CACNA1H: variants seen among roughly 807,000 people sequenced by gnomAD.
The protein encoded by CACNA1H is voltage-dependent T-type calcium channel subunit alpha-1H.
Under a neutral mutation model 192.5 loss-of-function variants are expected in CACNA1H, and 149 were observed. That is an observed-to-expected ratio of 0.77 (90% CI 0.68 to 0.89). The LOEUF is 0.89. Ranked by LOEUF, CACNA1H falls within the 40% of genes least tolerant of loss-of-function variation. The pLI, the probability that CACNA1H is intolerant of heterozygous loss-of-function variation, is 0.00. For missense variants in CACNA1H, 4,257 were observed against 3,423.5 expected, an observed-to-expected ratio of 1.24 and a Z score of -6.08; for synonymous variants, 2,202 against 1,475.2, an observed-to-expected ratio of 1.49 and a Z score of -11.29.
At chr16:1,179,166 G>A (rs1029599697) in intron 2 of CACNA1H, among the ~76,000 whole-genome samples, 4 of 152,212 alleles carry the variant, frequency 2.6e-5, no homozygotes, top group African/African-American at 4.8e-5. Context: ...GGGCCTGGCC[G>A]TCGTCTCCCC....
rs548097951 is a variant in CACNA1H, at chr16:1,207,797, G to A, written c.3091G>A (p.Glu1031Lys). ...EGDANRSDTD[E>K]DKTSVHFEED... ...CGATGCCAACAGATCCGACACGGAC[G>A]AGGACAAGACGTCGGTCCACTTCGA... is the stretch of plus-strand genomic sequence containing the variant. The change falls in exon 15 of 35, where the codon GAG (glutamate) becomes AAG (lysine). Residue 1031 changes from glutamate to lysine, a missense_variant. Physicochemically the swap from Glu to Lys is moderately conservative, Grantham distance 56 (BLOSUM62 1). Coordinates refer to ENST00000348261, the MANE Select transcript of CACNA1H (RefSeq NM_021098.3). 373 of 1,603,058 alleles carry A rather than the reference G, an allele frequency of 2.3e-4. 1 individual carries two copies. The highest frequency in any genetic ancestry group is 7.4e-4 in the South Asian group (66 of 89,032).
Position 1,215,362 on chromosome 16 carries a change from T to G in CACNA1H, c.5160T>G (p.Leu1720=). 6.2e-7 allele frequency: 1 copy of G among 1,606,716 alleles called. No individual in the cohort carries two copies. The change falls in exon 29 of 35, where the codon CTT becomes CTG. Residue 1720 remains leucine, a synonymous_variant. Transcript: ENST00000348261. ...NPTIIRIMRV[L]RIARVLKLLK... is the part of the protein sequence containing the mutation. ...CCATCATCCGCATCATGCGCGTGCTTCGCATTGCCCGTGGTAGGTGCCCGC... is the reference window on the plus strand; with the variant it reads ...CCATCATCCGCATCATGCGCGTGCTGCGCATTGCCCGTGGTAGGTGCCCGC...
Position 1,210,350 on chromosome 16 carries a change from A to AACCC in CACNA1H, c.3846-20_3846-19insACCC. 17 of 313,930 alleles carry AACCC rather than the reference A, an allele frequency of 5.4e-5. No individual in the cohort carries two copies. The highest frequency in any genetic ancestry group is 7.4e-5 in the Non-Finnish European group (16 of 215,948). 19.4% of individuals were successfully genotyped at this position (313,930 alleles called of 1,614,324 possible). A position where few individuals can be genotyped will look rare whatever the true frequency, so the allele number is the denominator to read the frequency against. On this transcript the variant is annotated intron_variant, in intron 18 of 34. Transcript: ENST00000348261. Reference sequence around the variant, plus strand: ...TCCACGCCGCCCCGCCCCACCTCTCACCCGCCCCCGCCCACCCAGGTTCCG... The same window carrying AACCC: ...TCCACGCCGCCCCGCCCCACCTCTCAACCCCCCGCCCCCGCCCACCCAGGTTCCG...
At chr16:1,163,288 G>A (rs2151662983) in intron 2 of CACNA1H, among the ~76,000 whole-genome samples, 1 of 152,370 alleles carries the variant, frequency 6.6e-6, no homozygotes, top group Middle Eastern at 3.4e-3. Flanking sequence ...TGGGTGTCGG[G>A]CGTTGAGTGG....
intron 2 of CACNA1H, among the ~76,000 whole-genome samples, chr16:1,182,299 C>G (rs1044107172): frequency 1.3e-5 from 2 of 152,158 alleles, no homozygotes; most frequent in African/African-American, 4.8e-5. Flanking sequence ...GCCAGAGTCT[C>G]CCGAGGCCAT....
intron 22 of CACNA1H, 84 bp downstream of exon 22, chr16:1,211,378 C>T (rs1006715909): frequency 1.4e-5 from 22 of 1,605,172 alleles, no homozygotes; most frequent in East Asian, 6.7e-5. Flanking sequence ...AGCGCCGCTG[C>T]GGGACGGGGA....
chr16:1,213,648 C>G, intron 26 of CACNA1H, 132 bp from the exon 27 acceptor site: 1 of 601,616 alleles, frequency 1.7e-6, no homozygotes. Flanking sequence ...AGGGCCAGCC[C>G]CATCTTCACA....
At chr16:1,163,239 G>C (rs547028295) in intron 2 of CACNA1H, among the ~76,000 whole-genome samples, 27 of 152,378 alleles carry the variant, frequency 1.8e-4, no homozygotes, top group African/African-American at 6.5e-4. Flanking sequence ...GTGCCCGTCT[G>C]CAGGGCAGTG....
intron 27 of CACNA1H, among the ~76,000 whole-genome samples, chr16:1,214,256 G>C (rs933712532): frequency 6.6e-6 from 1 of 152,160 alleles, no homozygotes; most frequent in Non-Finnish European, 1.5e-5. Context: ...GCCTGAGGTG[G>C]AGTTTTTCTT....
rs1035645296 is a variant in CACNA1H, at chr16:1,212,421, C to T, written c.4760-90C>T. 2.1e-4 allele frequency: 283 copies of T among 1,369,948 alleles called. 1 individual carries two copies. Among genetic ancestry groups the T allele is most frequent in the Admixed American group, 3.8e-4 (19 of 49,824 alleles). The allele number at this position is 1,369,948 out of a possible 1,614,324, so 84.9% of individuals were successfully genotyped here. On this transcript the variant is annotated intron_variant, in intron 25 of 34. Transcript: ENST00000348261. ...CTCCACGAGGAGCCAGCACAGCCCC[C>T]GAGACACGGGGGCTGAGGGAGAGCA... is the stretch of plus-strand genomic sequence containing the variant.
At chr16:1,173,484 T>G (rs1964566679) in intron 2 of CACNA1H, among the ~76,000 whole-genome samples, 1 of 152,264 alleles carries the variant, frequency 6.6e-6, no homozygotes, top group Non-Finnish European at 1.5e-5. Flanking sequence ...TTTTTTAGTA[T>G]TTAACATGAA....
At chr16:1,192,468 G>C (rs1966708676) in intron 2 of CACNA1H, among the ~76,000 whole-genome samples, 1 of 152,262 alleles carries the variant, frequency 6.6e-6, no homozygotes, top group Admixed American at 6.5e-5. Flanking sequence ...AGGGGTGCTG[G>C]CCCCTTCCCT....
At chr16:1,170,611 G>A (rs75706354) in intron 2 of CACNA1H, among the ~76,000 whole-genome samples, 1 of 152,184 alleles carries the variant, frequency 6.6e-6, no homozygotes, top group Non-Finnish European at 1.5e-5. Context: ...CCCTGCATGA[G>A]TGATCTGTGG....
In CACNA1H at chr16:1,195,084, G is replaced by A; in HGVS notation, c.411+1G>A. ...CTCCGAGCGCTGCAACATCCTGGAG[G>A]TGAGGGGCGTGGGTCGGGGTGGGGA... On this transcript the variant is annotated splice_donor_variant, in intron 3 of 34. Coordinates refer to ENST00000348261, the MANE Select transcript of CACNA1H (RefSeq NM_021098.3). LOFTEE classifies it high-confidence loss of function. 1 of 1,593,670 alleles carries A rather than the reference G, an allele frequency of 6.3e-7. No homozygotes were observed. Among genetic ancestry groups the A allele is most frequent in the Non-Finnish European group, 8.6e-7 (1 of 1,164,456 alleles).
In CACNA1H at chr16:1,194,308, G is replaced by A. The variant is rs114201280; in HGVS notation, c.300-664G>A. The stretch of plus-strand genomic sequence containing the variant: ...CAAGGCTGTTCGCTGACAAGTTGGT[G>A]CTTTCCAAATGCCGGCTTCTACCTT... On this transcript the variant is annotated intron_variant, in intron 2 of 34. Transcript: ENST00000348261. 8.3e-3 allele frequency among the ~76,000 whole-genome samples: 1,263 copies of A among 152,304 alleles called. 19 individuals are homozygous for A. The highest frequency in any genetic ancestry group is 0.029 in the African/African-American group (1,196 of 41,548).
chr16:1,207,973 C>T (rs1968947543), intron 15 of CACNA1H, 40 bp from the exon 16 acceptor site: 1 of 1,562,006 alleles, frequency 6.4e-7, no homozygotes, highest in Non-Finnish European at 8.7e-7. Flanking sequence ...TCCTGGGAGC[C>T]TGGCAGCTCT....
At chr16:1,215,441 G>GGGGGGT in intron 29 of CACNA1H, 66 bp downstream of exon 29, 1 of 692,046 alleles carries the variant, frequency 1.4e-6, no homozygotes, top group Non-Finnish European at 2.4e-6. Context: ...CCATGGGTGG[G>GGGGGGT]AGTGAGGGGC....
At chr16:1,207,632 C>G in intron 14 of CACNA1H, 138 bp from the exon 15 acceptor site, 1 of 925,064 alleles carries the variant, frequency 1.1e-6, no homozygotes, top group South Asian at 1.6e-5. Context: ...CACCTACCTG[C>G]CCACCCTGGC....
chr16:1,200,224 T>C (rs1453264141), intron 6 of CACNA1H, 32 bp from the exon 7 acceptor site: 22 of 1,553,262 alleles, frequency 1.4e-5, no homozygotes, highest in Non-Finnish European at 1.7e-5. Flanking sequence ...ACCCTGATTG[T>C]ACCTTTTGGC....
Sources: gnomAD v4.1 joint callset for allele counts (sites outside exome capture counted in the v4.1 genomes callset) on GRCh38, gnomAD v4.1.1 for gene constraint, MANE v1.5 for transcripts, NCBI Gene and HGNC (gene_info 2026-07-23, HGNC 2026-07-21) for gene names.